Variants in CDK14 observed in about 807,000 individuals in gnomAD.
CDK14 encodes cyclin-dependent kinase 14.
Under a neutral mutation model 60.7 loss-of-function variants are expected in CDK14, and 34 were observed. The ratio of observed to expected loss-of-function variants is 0.56; its 90% CI spans 0.43 to 0.75. The LOEUF (loss-of-function observed/expected upper bound fraction) is 0.75, where lower values mean the gene tolerates loss of function less well. CDK14 is among the 30% of genes least tolerant of loss of function. The pLI, the probability that CDK14 is intolerant of heterozygous loss-of-function variation, is 0.00. For synonymous variants in CDK14, 197 were observed against 203.7 expected (o/e 0.97, Z 0.28); for missense variants, 482 against 564.1 (o/e 0.85, Z 1.47).
At chr7:91,077,967 A>G (rs1271612913) in intron 11 of CDK14, among the ~76,000 whole-genome samples, 1 of 152,248 alleles carries the variant, frequency 6.6e-6, no homozygotes, top group Non-Finnish European at 1.5e-5. Context: ...AGAATGTTTT[A>G]TCAAGTGTAG....
intron 9 of CDK14, among the ~76,000 whole-genome samples, chr7:90,960,975 C>T (rs1794587080): frequency 6.6e-6 from 1 of 151,986 alleles, no homozygotes; most frequent in African/African-American, 2.4e-5. Flanking sequence ...TAATTACTTA[C>T]CTATTTTACC....
intron 2 of CDK14, among the ~76,000 whole-genome samples, chr7:90,645,431 G>A (rs144541924): frequency 2.9e-4 from 43 of 149,974 alleles, no homozygotes; most frequent in African/African-American, 1.0e-3. Context: ...TTTTTCCCCC[G>A]TAACTCAAAA....
At chr7:90,597,252 G>A (rs372430592) in intron 1 of CDK14, 1 of 152,826 alleles carries the variant, frequency 6.5e-6, no homozygotes, top group African/African-American at 2.4e-5. Context: ...TGGGTGTTCA[G>A]TCTCGAGGTC....
intron 9 of CDK14, among the ~76,000 whole-genome samples, chr7:90,956,492 G>T (rs1350437391): frequency 1.3e-5 from 2 of 151,980 alleles, no homozygotes; most frequent in African/African-American, 4.8e-5. Flanking sequence ...TCTAATTTTT[G>T]GCATGAAGGA....
rs140161736 is a variant in CDK14, at chr7:90,708,979, C to T, written c.124-17588C>T. Among the ~76,000 whole-genome samples, 415 of 152,130 alleles carry T rather than the reference C, an allele frequency of 2.7e-3. 2 individuals are homozygous for T. Among genetic ancestry groups the T allele is most frequent in the African/African-American group, 9.2e-3 (382 of 41,502 alleles). On this transcript the variant is annotated intron_variant, in intron 2 of 14. Coordinates refer to ENST00000380050, the MANE Select transcript of CDK14 (RefSeq NM_001287135.2). ...TAGCAGTCTGGCATCCTTCCTTTGC[C>T]GCCTAGCACCTTGTGGCATGACTTG...
chr7:90,711,109 A>G (rs1175068147), intron 2 of CDK14, among the ~76,000 whole-genome samples: 4 of 152,112 alleles, frequency 2.6e-5, no homozygotes, highest in Non-Finnish European at 2.9e-5. Flanking sequence ...CATGTTGGCT[A>G]TTATACAGAA....
At chr7:90,626,367 A>G (rs959418348) in intron 2 of CDK14, among the ~76,000 whole-genome samples, 2 of 152,144 alleles carry the variant, frequency 1.3e-5, no homozygotes, top group Non-Finnish European at 2.9e-5. Context: ...TCAGGCAGAC[A>G]TTTCTGAAAG....
In CDK14 at chr7:90,977,060, G is replaced by A. The variant is rs368813920; in HGVS notation, c.948-7088G>A. On this transcript the variant is annotated intron_variant, in intron 9 of 14. Coordinates refer to ENST00000380050, the MANE Select transcript of CDK14 (RefSeq NM_001287135.2). ...TGTGTTTTCTTCTAGTAGTTTTACC[G>A]TTTTGGGCCTTATGTTTAAGTCTTT... is the stretch of plus-strand genomic sequence containing the variant. 2.8e-4 allele frequency among the ~76,000 whole-genome samples: 42 copies of A among 152,210 alleles called. 1 individual carries two copies. The South Asian group carries it at 7.7e-3, about 28-fold the overall frequency.
At chr7:91,038,236 A>G (rs1796987852) in intron 10 of CDK14, among the ~76,000 whole-genome samples, 3 of 152,252 alleles carry the variant, frequency 2.0e-5, no homozygotes, top group Admixed American at 2.0e-4. Flanking sequence ...TTAGTTTAAC[A>G]TGACTTTTTA....
intron 9 of CDK14, among the ~76,000 whole-genome samples, chr7:90,981,235 G>A (rs1485032596): frequency 6.6e-6 from 1 of 152,196 alleles, no homozygotes; most frequent in Non-Finnish European, 1.5e-5. Context: ...GACTTAACCA[G>A]ACATCTGAAG....
intron 14 of CDK14, among the ~76,000 whole-genome samples, chr7:91,192,408 C>T (rs1802390514): frequency 6.6e-6 from 1 of 152,202 alleles, no homozygotes; most frequent in South Asian, 2.1e-4. Context: ...TTCTGAGTTT[C>T]AGCTTTCTCA....
chr7:90,744,293 C>T (rs1395326519), intron 3 of CDK14, among the ~76,000 whole-genome samples: 2 of 152,126 alleles, frequency 1.3e-5, no homozygotes, highest in Non-Finnish European at 2.9e-5. Flanking sequence ...CCTGAGTGGA[C>T]ACAGCACATG....
chr7:91,145,941 T>TATTC (rs1384927444), intron 14 of CDK14, among the ~76,000 whole-genome samples: 15 of 151,686 alleles, frequency 9.9e-5, no homozygotes, highest in African/African-American at 2.7e-4. Context: ...TTTATTTATT[T>TATTC]ATTTATTTAT....
At chr7:90,687,413 CTG>C (rs1801459510) in intron 2 of CDK14, among the ~76,000 whole-genome samples, 2 of 151,966 alleles carry the variant, frequency 1.3e-5, no homozygotes, top group South Asian at 4.1e-4. Context: ...AAAACAAGAA[CTG>C]TGAGAAAAAG....
chr7:90,824,451 G>A (rs1789653182), intron 5 of CDK14, among the ~76,000 whole-genome samples: 1 of 152,174 alleles, frequency 6.6e-6, no homozygotes, highest in African/African-American at 2.4e-5. Context: ...TTTGGAAACA[G>A]TTGCTCTCAG....
At chr7:91,046,669 A>C (rs1199745739) in intron 11 of CDK14, among the ~76,000 whole-genome samples, 1 of 152,122 alleles carries the variant, frequency 6.6e-6, no homozygotes, top group African/African-American at 2.4e-5. Flanking sequence ...TTATTGTAAA[A>C]TGATTCTCTT....
chr7:90,797,799 A>G, intron 5 of CDK14, among the ~76,000 whole-genome samples: 1 of 151,860 alleles, frequency 6.6e-6, no homozygotes, highest in Admixed American at 6.6e-5. Flanking sequence ...ACCAGATTTC[A>G]TGACAGCTCA....
intron 2 of CDK14, among the ~76,000 whole-genome samples, chr7:90,712,118 TA>T (rs1802085440): frequency 6.6e-6 from 1 of 152,018 alleles, no homozygotes; most frequent in Non-Finnish European, 1.5e-5. Flanking sequence ...TATGCTTTGA[TA>T]TTTTTTATTG....
intron 2 of CDK14, among the ~76,000 whole-genome samples, chr7:90,717,688 T>C (rs1196796166): frequency 1.3e-5 from 2 of 152,158 alleles, no homozygotes; most frequent in Non-Finnish European, 2.9e-5. Flanking sequence ...AGAAGGTACC[T>C]TGTTTTTAAT....
Sources: allele counts gnomAD v4.1 joint callset (sites outside exome capture counted in the v4.1 genomes callset), GRCh38; gene constraint gnomAD v4.1.1; transcripts MANE v1.5; gene names NCBI Gene and HGNC (gene_info 2026-07-23, HGNC 2026-07-21).